Variants in MICA observed in about 807,000 individuals in gnomAD.
MICA encodes MHC class I polypeptide-related sequence A.
MICA carries 18 observed loss-of-function variants against 34.3 expected under a neutral mutation model. That is an observed-to-expected ratio of 0.52 (90% confidence interval 0.36 to 0.78). The LOEUF (loss-of-function observed/expected upper bound fraction) is 0.78. MICA is among the 30% of genes least tolerant of loss of function. MICA has a pLI of 0.00. For synonymous variants in MICA, 135 were observed against 156.9 expected, an observed-to-expected ratio of 0.86 and a Z score of 1.04; for missense variants, 333 against 409.4, an observed-to-expected ratio of 0.81 and a Z score of 1.61.
chr6:31,410,001 C>T (rs1016952882), intron 1 of MICA, among the ~76,000 whole-genome samples: 4 of 151,556 alleles, frequency 2.6e-5, no homozygotes, highest in African/African-American at 9.7e-5. Flanking sequence ...GGATACTGAC[C>T]CCACTATAAA....
In MICA at chr6:31,409,906, G is replaced by A. The variant is rs533341769; in HGVS notation, c.71-637G>A. ...CTGCTCACCCCAGTGGACACTAGCTGTTCCATCCAATTGCTGTCCTGGGGC... is the reference window on the plus strand; with the variant it reads ...CTGCTCACCCCAGTGGACACTAGCTATTCCATCCAATTGCTGTCCTGGGGC... On this transcript the variant is annotated intron_variant, in intron 1 of 5. Transcript: ENST00000449934. Among the ~76,000 whole-genome samples the A allele has an allele frequency of 9.2e-4, 140 of 151,886 alleles. 4 individuals are homozygous for A. The highest frequency in any genetic ancestry group is 3.1e-3 in the African/African-American group (128 of 41,322).
intron 1 of MICA, among the ~76,000 whole-genome samples, chr6:31,409,513 T>TAA (rs1770955726): frequency 1.3e-5 from 2 of 150,738 alleles, no homozygotes; most frequent in African/African-American, 2.4e-5. Context: ...CCCACATAGC[T>TAA]TCTCTTATCA....
intron 5 of MICA, among the ~76,000 whole-genome samples, chr6:31,412,876 A>G (rs1292274748): frequency 6.6e-6 from 1 of 151,860 alleles, no homozygotes; most frequent in Non-Finnish European, 1.5e-5. Flanking sequence ...GAGGGCCAGA[A>G]ACTGGAGAGG....
At chr6:31,414,939 G>A (rs1771427854) in intron 5 of MICA, 73 bp from the exon 6 acceptor site, 7 of 1,264,406 alleles carry the variant, frequency 5.5e-6, no homozygotes, top group Non-Finnish European at 6.7e-6. Context: ...CAACTGAAGA[G>A]AGAAAAGTCC....
Position 31,412,106 on chromosome 6 carries a change from C to G in MICA, c.773C>G (p.Pro258Arg). ...HDTQQWGDVL[P>R]DGNGTYQTWV... The stretch of plus-strand genomic sequence containing the variant: ...ACCCAGCAGTGGGGGGATGTCCTGC[C>G]TGATGGGAATGGAACCTACCAGACC... Residue 258 changes from proline to arginine, a missense_variant, in exon 4 of 6, where the codon CCT becomes CGT. Transcript: ENST00000449934. 1.9e-6 allele frequency: 3 copies of G among 1,613,164 alleles called. No homozygotes were observed. Among genetic ancestry groups the G allele is most frequent in the Non-Finnish European group, 2.5e-6 (3 of 1,179,946 alleles).
At chr6:31,403,555 G>A, upstream of MICA, 3 of 1,219,972 alleles carry the variant, frequency 2.5e-6, no homozygotes, top group Non-Finnish European at 3.3e-6. The surrounding 1 kb of genome is among the most constrained non-coding windows in gnomAD (Gnocchi z 4.7). Context: ...CGGGGGACCG[G>A]GCCAGGTGAC....
chr6:31,413,860 C>G (rs2256328), intron 5 of MICA, among the ~76,000 whole-genome samples: 28,204 of 151,840 alleles, frequency 0.19, 3,194 homozygotes, highest in Middle Eastern at 0.29. Context: ...AGTTCATGTG[C>G]CAGTTTCTCA....
Position 31,411,896 on chromosome 6 carries a change from C to T in MICA, c.614-51C>T. 1 of 1,574,962 alleles carries T rather than the reference C, an allele frequency of 6.3e-7. No individual in the cohort carries two copies. The highest frequency in any genetic ancestry group is 8.6e-7 in the Non-Finnish European group (1 of 1,161,550). ...GAAGAGAAACAGCCCTGTTCCTCTC[C>T]CCTCCTTAGAGGGGAGCAGGGCTTC... is the stretch of plus-strand genomic sequence containing the variant. On this transcript the variant is annotated intron_variant, in intron 3 of 5. Transcript: ENST00000449934. The surrounding 1 kb of genome is among the most constrained non-coding windows in gnomAD (Gnocchi z 4.3).
chr6:31,403,366 G>A (rs960712675), upstream of MICA, among the ~76,000 whole-genome samples: 6 of 152,036 alleles, frequency 3.9e-5, no homozygotes, highest in Non-Finnish European at 5.9e-5. This position sits in a 1 kb window ranked among gnomAD's most constrained non-coding sequence, Gnocchi z 4.7. Context: ...GCTACTCGAA[G>A]CTGGTCCCTG....
chr6:31,410,639 T>G lies in MICA; in HGVS notation c.167T>G (p.Phe56Cys). The change falls in exon 2 of 6, where the codon TTC (phenylalanine) becomes TGC (cysteine). Residue 56 changes from phenylalanine to cysteine, a missense_variant. Coordinates refer to ENST00000449934, the MANE Select transcript of MICA (RefSeq NM_001177519.3). ...GAGGTACATCTGGATGGTCAGCCCTTCCTGCGCTATGACAGGCAGAAATGC... is the reference window on the plus strand; with the variant it reads ...GAGGTACATCTGGATGGTCAGCCCTGCCTGCGCTATGACAGGCAGAAATGC... ...LAEVHLDGQP[F>C]LRYDRQKCRA... The G allele has an allele frequency of 6.2e-7, 1 of 1,613,514 alleles. No individual in the cohort carries two copies. Among genetic ancestry groups the G allele is most frequent in the Non-Finnish European group, 8.5e-7 (1 of 1,179,992 alleles).
chr6:31,410,033 C>A (rs1435475213), intron 1 of MICA, among the ~76,000 whole-genome samples: 1 of 151,642 alleles, frequency 6.6e-6, no homozygotes, highest in Non-Finnish European at 1.5e-5. Flanking sequence ...CTACAACCTT[C>A]CTACCCTTTG....
intron 5 of MICA, 127 bp downstream of exon 5, chr6:31,412,587 A>G: frequency 4.4e-6 from 3 of 685,930 alleles, no homozygotes; most frequent in Non-Finnish European, 7.4e-6. Flanking sequence ...AAAGTTGGGG[A>G]ATTTGGGAAG....
At chr6:31,403,541 C>T, upstream of MICA, 2 of 1,028,918 alleles carry the variant, frequency 1.9e-6, no homozygotes, top group East Asian at 3.2e-5. This position sits in a 1 kb window ranked among gnomAD's most constrained non-coding sequence, Gnocchi z 4.7. Flanking sequence ...ATTGGATGAG[C>T]GGTCGGGGGA....
upstream of MICA, chr6:31,403,576 C>G: frequency 7.2e-7 from 1 of 1,394,546 alleles, no homozygotes; most frequent in Non-Finnish European, 9.5e-7. This position sits in a 1 kb window ranked among gnomAD's most constrained non-coding sequence, Gnocchi z 4.7. Context: ...TAAGTTTCCG[C>G]GGCGCCTTCT....
chr6:31,412,079 A>G lies in MICA; in HGVS notation c.746A>G (p.Asp249Gly), dbSNP rs1235831939. 6.2e-7 allele frequency: 1 copy of G among 1,613,214 alleles called. No individual in the cohort carries two copies. The highest frequency in any genetic ancestry group is 1.1e-5 in the South Asian group (1 of 91,036). ...WRQDGVSLSHDTQQWGDVLPD... is the reference protein window; with the variant it reads ...WRQDGVSLSHGTQQWGDVLPD... ...CAGGATGGGGTATCTTTGAGCCACG[A>G]CACCCAGCAGTGGGGGGATGTCCTG... Residue 249 changes from aspartate to glycine, a missense_variant, in exon 4 of 6, where the codon GAC becomes GGC. Physicochemically the swap from Asp to Gly is moderately conservative, Grantham distance 94. Coordinates refer to ENST00000449934, the MANE Select transcript of MICA (RefSeq NM_001177519.3).
chr6:31,414,646 C>G (rs1422131263), intron 5 of MICA, among the ~76,000 whole-genome samples: 2 of 151,946 alleles, frequency 1.3e-5, no homozygotes, highest in Non-Finnish European at 2.9e-5. Flanking sequence ...AGAGGAGGGC[C>G]TGGGGACTGA....
rs1771169178 is a variant in MICA at position 31,411,757 on chromosome 6, G to A, written c.614-190G>A. On this transcript the variant is annotated intron_variant, in intron 3 of 5. Transcript: ENST00000449934. This position sits in a 1 kb window ranked among gnomAD's most constrained non-coding sequence, Gnocchi z 4.3. ...CATCAATGTGGGGATCCCAGAGCCTGAGGCCACAGTCCCAAGGCCCATCCT... is the reference window on the plus strand; with the variant it reads ...CATCAATGTGGGGATCCCAGAGCCTAAGGCCACAGTCCCAAGGCCCATCCT... Among the ~76,000 whole-genome samples, 1 of 151,834 alleles carries A rather than the reference G, an allele frequency of 6.6e-6. No individual in the cohort carries two copies. Among genetic ancestry groups the A allele is most frequent in the Non-Finnish European group, 1.5e-5 (1 of 68,006 alleles).
Position 31,403,728 on chromosome 6 carries a change from G to T in MICA, c.70+26G>T. ...GTGAGTGGCGTTCCTGGCGGTCCTC[G>T]GCGGAGCGGGAGCAGTGGGACGTTT... is the stretch of plus-strand genomic sequence containing the variant. On this transcript the variant is annotated intron_variant, in intron 1 of 5. Coordinates refer to ENST00000449934, the MANE Select transcript of MICA (RefSeq NM_001177519.3). The surrounding 1 kb of genome is among the most constrained non-coding windows in gnomAD (Gnocchi z 4.7). 2 of 1,525,698 alleles carry T rather than the reference G, an allele frequency of 1.3e-6. No individual in the cohort carries two copies. The highest frequency in any genetic ancestry group is 1.2e-5 in the South Asian group (1 of 82,392). 94.5% of individuals were successfully genotyped at this position (1,525,698 alleles called of 1,614,324 possible).
At chr6:31,414,349 G>A (rs1184513241) in intron 5 of MICA, among the ~76,000 whole-genome samples, 1 of 152,082 alleles carries the variant, frequency 6.6e-6, no homozygotes, top group Non-Finnish European at 1.5e-5. Flanking sequence ...AGCGGACCAG[G>A]CAGGAGTAGC....
Sources: allele counts gnomAD v4.1 joint callset (sites outside exome capture counted in the v4.1 genomes callset), GRCh38; gene constraint gnomAD v4.1.1; non-coding constraint Gnocchi (gnomAD v3.1); transcripts MANE v1.5; gene names NCBI Gene and HGNC (gene_info 2026-07-23, HGNC 2026-07-21).